ITPKC: variants seen among roughly 807,000 people sequenced by gnomAD.
ITPKC encodes the protein IP3 3-kinase C.
Under a neutral mutation model 67.1 loss-of-function variants are expected in ITPKC, and 33 were observed. The ratio of observed to expected loss-of-function variants is 0.49; its 90% CI spans 0.37 to 0.66. ITPKC has a LOEUF of 0.66. ITPKC is among the 30% of genes least tolerant of loss of function. The pLI is 0.00. For synonymous variants in ITPKC, 341 were observed against 359.8 expected (o/e 0.95, Z 0.59); for missense variants, 820 against 892.1 (o/e 0.92, Z 1.03).
chr19:40,735,079 G>A (rs900205020), intron 4 of ITPKC, among the ~76,000 whole-genome samples: 3 of 152,112 alleles, frequency 2.0e-5, no homozygotes, highest in African/African-American at 7.2e-5. Context: ...CACTGTGCCC[G>A]GCCTAATGTT....
chr19:40,738,877 C>T (rs1198545838), intron 6 of ITPKC, among the ~76,000 whole-genome samples: 2 of 152,072 alleles, frequency 1.3e-5, no homozygotes, highest in African/African-American at 4.8e-5. Flanking sequence ...TGTGTTTTCT[C>T]GATCTGATAA....
chr19:40,738,031 T>G (rs540214834), intron 6 of ITPKC, among the ~76,000 whole-genome samples: 2 of 148,636 alleles, frequency 1.3e-5, no homozygotes, highest in African/African-American at 2.5e-5. Context: ...CAGTGGCTCA[T>G]GCCTGTAATC....
intron 6 of ITPKC, among the ~76,000 whole-genome samples, chr19:40,738,205 G>C (rs1488139132): frequency 2.6e-5 from 4 of 152,138 alleles, no homozygotes; most frequent in African/African-American, 7.2e-5. Context: ...GAGGTGAGCA[G>C]ATCACGAGGT....
chr19:40,738,882 T>G (rs2082307991), intron 6 of ITPKC, among the ~76,000 whole-genome samples: 1 of 152,144 alleles, frequency 6.6e-6, no homozygotes, highest in African/African-American at 2.4e-5. Context: ...TTTCTCGATC[T>G]GATAACCAAG....
At chr19:40,719,627 C>G (rs1321636911) in intron 1 of ITPKC, among the ~76,000 whole-genome samples, 1 of 151,846 alleles carries the variant, frequency 6.6e-6, no homozygotes, top group Non-Finnish European at 1.5e-5. Flanking sequence ...GTAGGTGAGA[C>G]ACCAGGTGCC....
In ITPKC at chr19:40,729,334, A is replaced by G; in HGVS notation, c.1388A>G (p.Asp463Gly). Residue 463 changes from aspartate (D) to glycine (G), a missense_variant, in exon 3 of 7, where the codon GAT (aspartate) becomes GGT (glycine). By Grantham distance (94) the Asp-to-Gly change is moderately conservative. This residue lies in a region of ITPKC where 339 missense variants were observed against 422.0 expected (regional missense o/e 0.80). Transcript: ENST00000263370. ...VPAYYGMVLQ[D>G]GQTFNQMEDL... ...GCCTACTATGGCATGGTGCTGCAGGATGGCCAGACCTTCAACCAGATGGAA... is the reference window on the plus strand; with the variant it reads ...GCCTACTATGGCATGGTGCTGCAGGGTGGCCAGACCTTCAACCAGATGGAA... The G allele has an allele frequency of 6.2e-7, 1 of 1,614,196 alleles. No homozygotes were observed. Among genetic ancestry groups the G allele is most frequent in the Non-Finnish European group, 8.5e-7 (1 of 1,180,032 alleles).
At position 40,733,296 on chromosome 19, in the gene ITPKC, C is replaced by G; in HGVS notation, c.1606C>G (p.Arg536Gly). The change falls in exon 4 of 7, where the codon CGC (arginine) becomes GGC (glycine). Residue 536 changes from arginine to glycine, a missense_variant. Arg to Gly is a moderately radical substitution (Grantham distance 125, BLOSUM62 -2). This residue lies in a region of ITPKC where 339 missense variants were observed against 422.0 expected (regional missense o/e 0.80). Coordinates refer to ENST00000263370, the MANE Select transcript of ITPKC (RefSeq NM_025194.3). ...EHAQGAVTKP[R>G]YMQWRETMSS... is the part of the protein sequence containing the mutation. ...TGCCCAGGGTGCAGTCACCAAGCCC[C>G]GCTACATGCAGTGGAGGGAAACCAT... 1.2e-6 allele frequency: 2 copies of G among 1,613,978 alleles called. No individual in the cohort carries two copies. The highest frequency in any genetic ancestry group is 1.7e-6 in the Non-Finnish European group (2 of 1,179,944).
intron 6 of ITPKC, among the ~76,000 whole-genome samples, chr19:40,738,799 A>C (rs922312399): frequency 5.9e-5 from 9 of 152,228 alleles, no homozygotes; most frequent in African/African-American, 9.6e-5. Context: ...TCGACCCCTT[A>C]TCCTCAGGTG....
intron 3 of ITPKC, among the ~76,000 whole-genome samples, chr19:40,731,520 G>A (rs900930454): frequency 3.3e-5 from 5 of 151,254 alleles, no homozygotes; most frequent in Non-Finnish European, 7.4e-5. Context: ...GAGCTTCCAT[G>A]CCCTCCCTGG....
At chr19:40,738,468 C>T (rs1304476891) in intron 6 of ITPKC, among the ~76,000 whole-genome samples, 1 of 151,854 alleles carries the variant, frequency 6.6e-6, no homozygotes, top group African/African-American at 2.4e-5. Context: ...CCAGAAATTG[C>T]TTGAACCCAG....
intron 1 of ITPKC, among the ~76,000 whole-genome samples, chr19:40,719,492 T>TA (rs1256688759): frequency 6.6e-6 from 1 of 151,970 alleles, no homozygotes; most frequent in African/African-American, 2.4e-5. Flanking sequence ...ATGAGGTAGA[T>TA]ACTTTTTTTT....
chr19:40,718,279 G>T lies in ITPKC; in HGVS notation c.1144G>T (p.Asp382Tyr). The T allele has an allele frequency of 1.3e-6, 2 of 1,517,788 alleles. No individual in the cohort carries two copies. Among genetic ancestry groups the T allele is most frequent in the Non-Finnish European group, 1.8e-6 (2 of 1,138,916 alleles). The allele number at this position is 1,517,788 out of a possible 1,614,324, so 94.0% of individuals were successfully genotyped here. Reference sequence around the variant, plus strand: ...GGGCGGAGGTGCCAGCGATCCCGAGGACAGGTCTGGGGTGAGTGGGACCCA... The same window carrying T: ...GGGCGGAGGTGCCAGCGATCCCGAGTACAGGTCTGGGGTGAGTGGGACCCA... ...AGGGGASDPE[D>Y]RSGSKPWKKL... is the part of the protein sequence containing the mutation. The change falls in exon 1 of 7, where the codon GAC becomes TAC. Residue 382 changes from aspartate (D) to tyrosine (Y), a missense_variant. Transcript: ENST00000263370.
intron 4 of ITPKC, among the ~76,000 whole-genome samples, chr19:40,736,648 C>G (rs899869698): frequency 6.6e-5 from 10 of 152,014 alleles, no homozygotes; most frequent in Admixed American, 1.3e-4. Flanking sequence ...GGATTACAGG[C>G]GCCCGCCACC....
intron 4 of ITPKC, among the ~76,000 whole-genome samples, chr19:40,734,666 T>C (rs1054554058): frequency 6.6e-6 from 1 of 152,056 alleles, no homozygotes; most frequent in African/African-American, 2.4e-5. Context: ...TAGAGTGCCA[T>C]GGCACAGTCT....
At chr19:40,721,393 C>T (rs1253937664) in intron 1 of ITPKC, among the ~76,000 whole-genome samples, 9 of 150,378 alleles carry the variant, frequency 6.0e-5, no homozygotes, top group East Asian at 2.0e-4. Context: ...GCGTGCAGTG[C>T]GGAGTTTCAC....
At chr19:40,737,111 G>A (rs746784703) in intron 5 of ITPKC, 24 bp downstream of exon 5, 35 of 1,389,702 alleles carry the variant, frequency 2.5e-5, no homozygotes, top group Non-Finnish European at 3.1e-5. Flanking sequence ...CCATGTCCCA[G>A]AATGTAGCAG....
Position 40,729,183 on chromosome 19 carries a change from T to C in ITPKC, c.1256-19T>C. 1 of 1,603,948 alleles carries C rather than the reference T, an allele frequency of 6.2e-7. No individual in the cohort carries two copies. The highest frequency in any genetic ancestry group is 8.5e-7 in the Non-Finnish European group (1 of 1,171,040). ...CCTGATCCAGTTCCTGATCCTCTCA[T>C]TTATTCTACCACCTTTAGGGAACTT... On this transcript the variant is annotated intron_variant, in intron 2 of 6. Transcript: ENST00000263370.
At chr19:40,732,756 C>T (rs184088152) in intron 3 of ITPKC, among the ~76,000 whole-genome samples, 187 of 152,142 alleles carry the variant, frequency 1.2e-3, no homozygotes, top group African/African-American at 4.3e-3. Context: ...TCCAGTTTGT[C>T]AGTTTTTTTC....
At position 40,739,544 on chromosome 19, in the gene ITPKC, G is replaced by T. The variant is rs1295584815; in HGVS notation, c.2036G>T (p.Gly679Val). The T allele has an allele frequency of 1.2e-6, 2 of 1,613,238 alleles. No individual in the cohort carries two copies. Among genetic ancestry groups the T allele is most frequent in the Admixed American group, 1.7e-5 (1 of 59,966 alleles). ...GACAACATGATCTGCCTCCTGCAGGGGCTGGCACAGAGCTGAGCTGCTCAG... is the reference window on the plus strand; with the variant it reads ...GACAACATGATCTGCCTCCTGCAGGTGCTGGCACAGAGCTGAGCTGCTCAG... ...GLDNMICLLQ[G>V]LAQS Residue 679 changes from glycine (G) to valine (V), a missense_variant, in exon 7 of 7, where the codon GGG (glycine) becomes GTG (valine). Physicochemically the swap from Gly to Val is moderately radical, Grantham distance 109. Transcript: ENST00000263370.
Sources: gnomAD v4.1 joint callset for allele counts (sites outside exome capture counted in the v4.1 genomes callset) on GRCh38, gnomAD v4.1.1 for gene constraint, gnomAD v4.1.1 regional missense constraint, MANE v1.5 for transcripts, NCBI Gene and HGNC (gene_info 2026-07-23, HGNC 2026-07-21) for gene names.